The following CSMD1 variants were observed in gnomAD, a reference collection of about 807,000 sequenced individuals.
The protein encoded by CSMD1 is CUB and sushi domain-containing protein 1.
Under a neutral mutation model 417.5 loss-of-function variants are expected in CSMD1, and 213 were observed. That is an observed-to-expected ratio of 0.51 (90% CI 0.46 to 0.57). CSMD1 has a LOEUF of 0.57. Among genes scored for constraint, CSMD1 ranks in the 20% least tolerant of loss-of-function variants. The pLI, the probability that CSMD1 is intolerant of heterozygous loss-of-function variation, is 0.00. For missense variants in CSMD1, 6,923 were observed against 4,529.7 expected (o/e 1.53, Z -15.17); for synonymous variants, 2,862 against 1,736.8 (o/e 1.65, Z -16.11).
At chr8:3,971,959 G>C (rs910509434) in intron 5 of CSMD1, among the ~76,000 whole-genome samples, 1 of 151,992 alleles carries the variant, frequency 6.6e-6, no homozygotes, top group African/African-American at 2.4e-5. Context: ...CCAGGCTGGA[G>C]TGCAGTGGGT....
rs1233149994 is a variant in CSMD1, at chr8:4,994,651, G to T, written c.-235C>A. ...AGCTGCTCCGAGCGCGGAGACCCGGGCTGGCGGGGCCGGGGCCGGGGACGA... is the reference window on the plus strand; with the variant it reads ...AGCTGCTCCGAGCGCGGAGACCCGGTCTGGCGGGGCCGGGGCCGGGGACGA... On this transcript the variant is annotated 5_prime_UTR_variant, in exon 1 of 70. Transcript: ENST00000635120. The T allele has an allele frequency of 4.5e-6, 2 of 447,562 alleles. No individual in the cohort carries two copies. The highest frequency in any genetic ancestry group is 7.9e-6 in the Non-Finnish European group (2 of 251,786). The allele number at this position is 447,562 out of a possible 1,614,324, so 27.7% of individuals were successfully genotyped here. A position where few individuals can be genotyped will look rare whatever the true frequency, so the allele number is the denominator to read the frequency against.
At chr8:4,159,745 C>G (rs1397447497) in intron 3 of CSMD1, among the ~76,000 whole-genome samples, 1 of 152,156 alleles carries the variant, frequency 6.6e-6, no homozygotes, top group Non-Finnish European at 1.5e-5. Flanking sequence ...CCCGCCACCA[C>G]GCCCGGCTAA....
intron 5 of CSMD1, among the ~76,000 whole-genome samples, chr8:3,823,680 A>G (rs1002848099): frequency 4.6e-5 from 7 of 152,170 alleles, no homozygotes; most frequent in Non-Finnish European, 8.8e-5. Flanking sequence ...GTTTTATGCA[A>G]TGGATATATG....
At chr8:4,039,473 T>C (rs1244759434) in intron 3 of CSMD1, among the ~76,000 whole-genome samples, 1 of 152,218 alleles carries the variant, frequency 6.6e-6, no homozygotes, top group African/African-American at 2.4e-5. Flanking sequence ...TTCTTCTCTT[T>C]ACTGGCTCTC....
chr8:3,579,832 G>T (rs1292173483), intron 9 of CSMD1, among the ~76,000 whole-genome samples: 1 of 152,220 alleles, frequency 6.6e-6, no homozygotes, highest in East Asian at 1.9e-4. Context: ...AGGCCAGTGT[G>T]GTGGCTCACG....
At chr8:4,231,353 A>G (rs1801715729) in intron 3 of CSMD1, among the ~76,000 whole-genome samples, 1 of 152,132 alleles carries the variant, frequency 6.6e-6, no homozygotes, top group South Asian at 2.1e-4. Context: ...ATCACCTAGC[A>G]TTGCTGGATA....
At chr8:3,435,787 C>G (rs941782517) in intron 12 of CSMD1, among the ~76,000 whole-genome samples, 2 of 152,188 alleles carry the variant, frequency 1.3e-5, no homozygotes, top group African/African-American at 4.8e-5. Context: ...CTGCCCTGCA[C>G]AAAACTTCCA....
chr8:4,566,380 G>C (rs144988781), intron 2 of CSMD1, among the ~76,000 whole-genome samples: 10 of 152,110 alleles, frequency 6.6e-5, no homozygotes, highest in Non-Finnish European at 1.3e-4. Flanking sequence ...TTGGCCGGGC[G>C]TGGTGGCTCA....
intron 3 of CSMD1, among the ~76,000 whole-genome samples, chr8:4,238,311 G>A (rs983086976): frequency 6.6e-6 from 1 of 152,142 alleles, no homozygotes; most frequent in Non-Finnish European, 1.5e-5. Context: ...TCTCAGCTTG[G>A]TCCTCCTCAG....
chr8:3,535,916 G>A (rs912545528), intron 10 of CSMD1, among the ~76,000 whole-genome samples: 1 of 152,146 alleles, frequency 6.6e-6, no homozygotes, highest in Non-Finnish European at 1.5e-5. Context: ...GGTGGATGCT[G>A]CTTCAAGGCT....
chr8:3,143,248 G>A (rs1029670749), intron 40 of CSMD1, among the ~76,000 whole-genome samples: 1 of 152,116 alleles, frequency 6.6e-6, no homozygotes, highest in Non-Finnish European at 1.5e-5. Flanking sequence ...TTACTAACTG[G>A]ACGGTCATAC....
intron 3 of CSMD1, among the ~76,000 whole-genome samples, chr8:4,323,939 G>A (rs952065988): frequency 5.3e-5 from 8 of 152,110 alleles, no homozygotes; most frequent in African/African-American, 1.4e-4. Context: ...CCAGCAACAG[G>A]CATTCAGACT....
At chr8:4,308,204 G>A (rs752690845) in intron 3 of CSMD1, among the ~76,000 whole-genome samples, 1 of 152,162 alleles carries the variant, frequency 6.6e-6, no homozygotes, top group Non-Finnish European at 1.5e-5. Context: ...GAAGTCACTT[G>A]AGACTGTGTG....
Position 3,087,236 on chromosome 8 carries a change from G to T in CSMD1, c.7335C>A (p.Asn2445Lys), listed in dbSNP as rs370687482. Residue 2445 changes from asparagine (N) to lysine (K), a missense_variant, in exon 49 of 70, where the codon AAC becomes AAA. Asn to Lys is a moderately conservative substitution (Grantham distance 94). Transcript: ENST00000635120. ...TGCTTCCAACCGCTCCTGCAGTCCT[G>T]TTTAGAATACCCCCATTCTTCAGGG... ...THPLKNGGILNRTAGAVGSKV... is the reference protein window; with the variant it reads ...THPLKNGGILKRTAGAVGSKV... The T allele has an allele frequency of 3.7e-6, 6 of 1,613,954 alleles. No homozygotes were observed. The highest frequency in any genetic ancestry group is 5.1e-6 in the Non-Finnish European group (6 of 1,179,876).
intron 25 of CSMD1, among the ~76,000 whole-genome samples, chr8:3,297,399 T>C (rs1305394335): frequency 6.6e-6 from 1 of 152,170 alleles, no homozygotes; most frequent in Non-Finnish European, 1.5e-5. Flanking sequence ...AAAGCTAGAT[T>C]ATGATACTGG....
intron 4 of CSMD1, among the ~76,000 whole-genome samples, chr8:4,004,406 A>C (rs1815941865): frequency 6.7e-6 from 1 of 148,946 alleles, no homozygotes; most frequent in Non-Finnish European, 1.5e-5. Context: ...TTTAAAATAA[A>C]TTCTGCCATG....
At chr8:3,474,747 T>G (rs1020962361) in intron 11 of CSMD1, among the ~76,000 whole-genome samples, 1 of 152,208 alleles carries the variant, frequency 6.6e-6, no homozygotes, top group Non-Finnish European at 1.5e-5. Flanking sequence ...CTTACTATAC[T>G]TTAACATTCA....
intron 5 of CSMD1, among the ~76,000 whole-genome samples, chr8:3,984,198 G>A (rs1031007074): frequency 4.1e-5 from 6 of 144,846 alleles, no homozygotes; most frequent in Admixed American, 2.1e-4. Flanking sequence ...CTCAGACTGC[G>A]CTTGCACCCA....
intron 2 of CSMD1, among the ~76,000 whole-genome samples, chr8:4,634,628 A>G (rs1197086745): frequency 6.6e-6 from 1 of 152,200 alleles, no homozygotes; most frequent in Non-Finnish European, 1.5e-5. Context: ...TGAATTCTAG[A>G]GCTGCCTTAA....
Sources: gnomAD v4.1 joint callset for allele counts (sites outside exome capture counted in the v4.1 genomes callset) on GRCh38, gnomAD v4.1.1 for gene constraint, MANE v1.5 for transcripts, NCBI Gene and HGNC (gene_info 2026-07-23, HGNC 2026-07-21) for gene names.